The following LONRF3 variants were observed in gnomAD, a reference collection of about 807,000 sequenced individuals.
LONRF3 encodes LON peptidase N-terminal domain and RING finger protein 3.
In LONRF3, 19 loss-of-function variants were observed where a neutral mutation model predicts 51.7. The observed-to-expected ratio is 0.37, with a 90% CI of 0.26 to 0.54. The LOEUF (loss-of-function observed/expected upper bound fraction) is 0.54, where lower values mean the gene tolerates loss of function less well. LONRF3 is among the 20% of genes least tolerant of loss of function. The pLI is 0.86. For missense variants in LONRF3, 521 were observed against 623.9 expected (o/e 0.84, Z 1.76); for synonymous variants, 265 against 257.8 (o/e 1.03, Z -0.27).
intron 10 of LONRF3, among the ~76,000 whole-genome samples, chrX:119,016,611 C>T (rs1925482496): frequency 8.9e-6 from 1 of 112,021 alleles, no homozygotes; most frequent in African/African-American, 3.2e-5. Flanking sequence ...TCCCAAAGTG[C>T]TGGGATTACA....
At chrX:119,012,439 G>T (rs1039248694) in intron 8 of LONRF3, among the ~76,000 whole-genome samples, 6 of 110,964 alleles carry the variant, frequency 5.4e-5, no homozygotes, top group African/African-American at 2.0e-4. Flanking sequence ...AGTCCATTTT[G>T]TGCTACTATA....
At chrX:118,996,313 AG>A (rs1923863058) in intron 5 of LONRF3, among the ~76,000 whole-genome samples, 1 of 111,572 alleles carries the variant, frequency 9.0e-6, no homozygotes, top group South Asian at 3.8e-4. Context: ...TGTCCTAGCC[AG>A]AACAATCAGA....
Position 118,975,185 on chromosome X carries a change from C to T in LONRF3, c.405C>T (p.Thr135=). 1 of 1,180,242 alleles carries T rather than the reference C, an allele frequency of 8.5e-7. No homozygotes were observed. The highest frequency in any genetic ancestry group is 3.1e-5 in the East Asian group (1 of 31,909). ...ACGAGGGTAGCACTGCAAGCGGCAC[C>T]GTGGCGGCGGAAGAGACGGGGGCCG... The part of the protein sequence containing the change: ...PPDEGSTASG[T]VAAEETGAAA... Residue 135 remains threonine (T), a synonymous_variant, in exon 1 of 11, where the codon ACC becomes ACT. Transcript: ENST00000371628.
chrX:119,015,491 A>T (rs766779320), intron 10 of LONRF3, among the ~76,000 whole-genome samples: 1 of 111,919 alleles, frequency 8.9e-6, no homozygotes, highest in African/African-American at 3.3e-5. Context: ...ATGCAAAGGC[A>T]TCATGAGTTT....
In LONRF3 at chrX:119,005,699, A is replaced by G. The variant is rs143167361; in HGVS notation, c.1416-422A>G. Among the ~76,000 whole-genome samples the G allele has an allele frequency of 3.6e-5, 4 of 111,751 alleles. No homozygotes were observed. The Admixed American group carries it at 3.8e-4, about 11-fold the overall frequency. ...ATGATGTAAAGTGCTTAAATGGGTAAATGTGTAAGAGAGAGAATGTGTGTG... is the reference window on the plus strand; with the variant it reads ...ATGATGTAAAGTGCTTAAATGGGTAGATGTGTAAGAGAGAGAATGTGTGTG... On this transcript the variant is annotated intron_variant, in intron 5 of 10. Transcript: ENST00000371628.
intron 4 of LONRF3, 77 bp downstream of exon 4, chrX:118,989,749 T>G: frequency 9.5e-7 from 1 of 1,050,662 alleles, no homozygotes; most frequent in Non-Finnish European, 1.3e-6. Flanking sequence ...TACTTACCTC[T>G]GTCTGGGGGC....
chrX:119,010,208 C>T (rs2316008), intron 7 of LONRF3, among the ~76,000 whole-genome samples: 38,940 of 110,846 alleles, frequency 0.35, 5,580 homozygotes, highest in East Asian at 0.46. Flanking sequence ...GGGGCAGAGG[C>T]GTCATTGAGG....
At chrX:119,016,657 A>G (rs948800739) in intron 10 of LONRF3, among the ~76,000 whole-genome samples, 4 of 111,987 alleles carry the variant, frequency 3.6e-5, no homozygotes, top group Non-Finnish European at 7.5e-5. Context: ...GGGGCAGAAT[A>G]TATTTCTAAT....
At chrX:118,998,270 T>C (rs1024929080) in intron 5 of LONRF3, among the ~76,000 whole-genome samples, 8 of 112,590 alleles carry the variant, frequency 7.1e-5, no homozygotes, top group African/African-American at 2.3e-4. Context: ...TACAATTGAA[T>C]ACTATGCAGC....
At chrX:119,013,249 A>T (rs374597343) in intron 9 of LONRF3, 48 bp downstream of exon 9, 2 of 1,121,132 alleles carry the variant, frequency 1.8e-6, no homozygotes, top group African/African-American at 3.6e-5. Flanking sequence ...TATCCTTGTA[A>T]CTTGATACAC....
intron 8 of LONRF3, 65 bp downstream of exon 8, chrX:119,012,038 G>A (rs994780170): frequency 9.8e-6 from 11 of 1,125,447 alleles, no homozygotes; most frequent in Non-Finnish European, 1.3e-5. Context: ...TTACTTTGGG[G>A]TACTCCCAGG....
intron 3 of LONRF3, among the ~76,000 whole-genome samples, chrX:118,987,449 T>TTTTG (rs1428769988): frequency 5.0e-5 from 4 of 79,923 alleles, no homozygotes; most frequent in African/African-American, 1.9e-4. Flanking sequence ...GGCTAAGTTT[T>TTTTG]TTTTTTTTTT....
rs149376734 is a variant in LONRF3, at chrX:119,011,853, C to T, written c.1691C>T (p.Ala564Val). 3.4e-5 allele frequency: 41 copies of T among 1,211,275 alleles called. No homozygotes were observed. The highest frequency in any genetic ancestry group is 4.5e-5 in the Non-Finnish European group (40 of 895,051). Reference protein sequence around the residue: ...KNVPIFVCTMAYPTVPCPLHI... With the variant: ...KNVPIFVCTMVYPTVPCPLHI... ...GTGCCTATTTTCGTGTGTACTATGG[C>T]CTATCCCACCGTTCCTTGTCCCCTG... The change falls in exon 8 of 11, where the codon GCC becomes GTC. Residue 564 changes from alanine to valine, a missense_variant. Coordinates refer to ENST00000371628, the MANE Select transcript of LONRF3 (RefSeq NM_001031855.3).
chrX:118,978,375 G>A lies in LONRF3; in HGVS notation c.848G>A (p.Arg283Gln), dbSNP rs1339836891. 6.6e-6 allele frequency: 8 copies of A among 1,206,975 alleles called. No individual in the cohort carries two copies. The highest frequency in any genetic ancestry group is 7.8e-6 in the Non-Finnish European group (7 of 891,731). ...APNDHLLYSN[R>Q]SQIYFTLESH... ...AATGACCACTTGCTTTATAGCAATC[G>A]GTCTCAGATTTATTTCACCTTGGAG... The change falls in exon 2 of 11, where the codon CGG becomes CAG. Residue 283 changes from arginine (R) to glutamine (Q), a missense_variant. Around this residue, in one of 2 missense-constraint regions of LONRF3, gnomAD observed 376 missense variants for 376.7 expected, o/e 1.00. Transcript: ENST00000371628.
At chrX:118,980,116 A>G (rs1362238295) in intron 2 of LONRF3, among the ~76,000 whole-genome samples, 1 of 112,443 alleles carries the variant, frequency 8.9e-6, no homozygotes, top group Non-Finnish European at 1.9e-5. Context: ...TCTGCAAGCT[A>G]TAAAGCTTCC....
chrX:118,975,597 G>A lies in LONRF3; in HGVS notation c.817G>A (p.Ala273Thr), dbSNP rs755456386. The A allele has an allele frequency of 3.5e-6, 4 of 1,159,395 alleles. No individual in the cohort carries two copies. Among genetic ancestry groups the A allele is most frequent in the East Asian group, 3.2e-5 (1 of 31,661 alleles). The change falls in exon 1 of 11, where the codon GCT (alanine) becomes ACT (threonine). Residue 273 changes from alanine to threonine, a missense_variant and splice_region_variant. Ala to Thr is a moderately conservative substitution (Grantham distance 58, BLOSUM62 0). This residue lies in a region of LONRF3 where 376 missense variants were observed against 376.7 expected (regional missense o/e 1.00). Coordinates refer to ENST00000371628, the MANE Select transcript of LONRF3 (RefSeq NM_001031855.3). ...LLKYNEAVKLAPNDHLLYSNR... is the reference protein window; with the variant it reads ...LLKYNEAVKLTPNDHLLYSNR... ...CAAGTACAACGAGGCAGTTAAGTTG[G>A]GTGAGTCCAACGCGCTGCCGGGCCG...
At position 118,975,557 on chromosome X, in the gene LONRF3, G is replaced by A. The variant is rs1171042776; in HGVS notation, c.777G>A (p.Val259=). 8.4e-7 allele frequency: 1 copy of A among 1,195,753 alleles called. No individual in the cohort carries two copies. The highest frequency in any genetic ancestry group is 1.8e-5 in the African/African-American group (1 of 56,104). The change falls in exon 1 of 11, where the codon GTG becomes GTA. Residue 259 remains valine (V), a synonymous_variant. Coordinates refer to ENST00000371628, the MANE Select transcript of LONRF3 (RefSeq NM_001031855.3). ...EGNRLYRERQ[V]EAALLKYNEA... ...ACCGACTGTACCGCGAGCGCCAGGT[G>A]GAGGCGGCACTGCTCAAGTACAACG...
chrX:118,998,926 C>T (rs1924068376), intron 5 of LONRF3, among the ~76,000 whole-genome samples: 1 of 112,235 alleles, frequency 8.9e-6, no homozygotes, highest in African/African-American at 3.2e-5. Flanking sequence ...TTCCAAGGTG[C>T]TGGGATTACA....
chrX:119,007,927 G>GTTAGT (rs1355133313), intron 6 of LONRF3, among the ~76,000 whole-genome samples: 3 of 112,287 alleles, frequency 2.7e-5, no homozygotes, highest in African/African-American at 9.7e-5. Flanking sequence ...GAAAACCACT[G>GTTAGT]TTAGTTAACA....
Sources: allele counts gnomAD v4.1 joint callset (sites outside exome capture counted in the v4.1 genomes callset), GRCh38; gene constraint gnomAD v4.1.1; regional missense constraint gnomAD v4.1.1; transcripts MANE v1.5; gene names NCBI Gene and HGNC (gene_info 2026-07-23, HGNC 2026-07-21).